The following LAT variants were observed in gnomAD, a reference collection of about 807,000 sequenced individuals.
LAT encodes the protein linker for activation of T cells.
LAT carries 12 observed loss-of-function variants against 39.1 expected under a neutral mutation model. That is an observed-to-expected ratio of 0.31 (90% CI 0.20 to 0.50). LAT has a LOEUF of 0.50. Ranked by LOEUF, LAT falls within the 20% of genes least tolerant of loss-of-function variation. LAT has a pLI of 0.98. For synonymous variants in LAT, 117 were observed against 123.8 expected (o/e 0.95, Z 0.36); for missense variants, 253 against 308.0 (o/e 0.82, Z 1.34).
Position 28,985,905 on chromosome 16 carries a change from TC to T in LAT, c.163+21del. 1 of 1,613,098 alleles carries T rather than the reference TC, an allele frequency of 6.2e-7. No individual in the cohort carries two copies. Among genetic ancestry groups the T allele is most frequent in the Non-Finnish European group, 8.5e-7 (1 of 1,179,368 alleles). ...AACGGCCTCGTGAGTACAAGGAGGGTCCCCTACCTTGGGTGCCAGGGAGAGG... is the reference window on the plus strand; with the variant it reads ...AACGGCCTCGTGAGTACAAGGAGGGTCCCTACCTTGGGTGCCAGGGAGAGG... On this transcript the variant is annotated intron_variant, in intron 3 of 11. Coordinates refer to ENST00000395456, the MANE Select transcript of LAT (RefSeq NM_001014987.2). This position sits in a 1 kb window ranked among gnomAD's most constrained non-coding sequence, Gnocchi z 4.6.
rs746518440 is a variant in LAT at position 28,990,481 on chromosome 16, C to A, written c.*300C>A. 6.1e-5 allele frequency: 19 copies of A among 311,524 alleles called. No homozygotes were observed. Among genetic ancestry groups the A allele is most frequent in the Admixed American group, 9.1e-5 (2 of 21,964 alleles). 19.3% of individuals were successfully genotyped at this position (311,524 alleles called of 1,614,324 possible). ...GCGTGCGTCTGTGTGTGCCTGTGTG[C>A]GAGTCTGAGTCAGAGATTTGGAGAT... is the stretch of plus-strand genomic sequence containing the variant. On this transcript the variant is annotated 3_prime_UTR_variant, in exon 12 of 12. Transcript: ENST00000395456.
chr16:28,986,013 G>A lies in LAT; in HGVS notation c.164-122G>A, dbSNP rs1375700142. Reference sequence around the variant, plus strand: ...TGCCCACATGGCCTTGACCTGAGCTGGGAGAGGGGAGATGGCTCCCCCAGG... The same window carrying A: ...TGCCCACATGGCCTTGACCTGAGCTAGGAGAGGGGAGATGGCTCCCCCAGG... On this transcript the variant is annotated intron_variant, in intron 3 of 11. Coordinates refer to ENST00000395456, the MANE Select transcript of LAT (RefSeq NM_001014987.2). The surrounding 1 kb of genome is among the most constrained non-coding windows in gnomAD (Gnocchi z 5.7). 10 of 1,404,228 alleles carry A rather than the reference G, an allele frequency of 7.1e-6. No homozygotes were observed. The highest frequency in any genetic ancestry group is 5.7e-5 in the African/African-American group (4 of 70,658). The allele number at this position is 1,404,228 out of a possible 1,614,324, so 87.0% of individuals were successfully genotyped here. A position where few individuals can be genotyped will look rare whatever the true frequency, so the allele number is the denominator to read the frequency against.
intron 8 of LAT, chr16:28,987,907 C>T (rs1965794323): frequency 6.7e-6 from 1 of 149,930 alleles, no homozygotes; most frequent in South Asian, 2.1e-4. Flanking sequence ...GCCTGAGCAA[C>T]ATGGCGAAAC....
Position 28,985,237 on chromosome 16 carries a change from G to A in LAT, c.-181G>A, listed in dbSNP as rs1432554240. The A allele has an allele frequency of 1.4e-6, 2 of 1,437,012 alleles. No homozygotes were observed. Among genetic ancestry groups the A allele is most frequent in the Admixed American group, 2.9e-5 (1 of 34,922 alleles). The allele number at this position is 1,437,012 out of a possible 1,614,324, so 89.0% of individuals were successfully genotyped here. A position where few individuals can be genotyped will look rare whatever the true frequency, so the allele number is the denominator to read the frequency against. The stretch of plus-strand genomic sequence containing the variant: ...CGCACACTCAGCCCAGTAAAAGAGG[G>A]GACCCATCCCGGGAGCCCCGGGGAG... On this transcript the variant is annotated 5_prime_UTR_variant, in exon 1 of 12. Coordinates refer to ENST00000395456, the MANE Select transcript of LAT (RefSeq NM_001014987.2). This position sits in a 1 kb window ranked among gnomAD's most constrained non-coding sequence, Gnocchi z 4.6.
Position 28,985,690 on chromosome 16 carries a change from C to G in LAT, c.101-23C>G, listed in dbSNP as rs1242710740. On this transcript the variant is annotated intron_variant, in intron 1 of 11. Transcript: ENST00000395456. This position sits in a 1 kb window ranked among gnomAD's most constrained non-coding sequence, Gnocchi z 4.6. Reference sequence around the variant, plus strand: ...TGCCCTAAGCACCCCCTGTTCCTGCCTCACCAGCCCTCTCTTTCCCAGGCT... The same window carrying G: ...TGCCCTAAGCACCCCCTGTTCCTGCGTCACCAGCCCTCTCTTTCCCAGGCT... The G allele has an allele frequency of 6.2e-7, 1 of 1,613,638 alleles. No homozygotes were observed. The highest frequency in any genetic ancestry group is 1.1e-5 in the South Asian group (1 of 91,056).
upstream of LAT, chr16:28,984,999 G>A (rs557963747): frequency 2.0e-5 from 29 of 1,436,174 alleles, no homozygotes; most frequent in East Asian, 1.3e-4. Flanking sequence ...GGAAGGGGGC[G>A]GGTGCAGCCG....
At position 28,986,676 on chromosome 16, in the gene LAT, G is replaced by A. The variant is rs1131543; in HGVS notation, c.360G>A (p.Ala120=). The A allele has an allele frequency of 0.3, 486,713 of 1,613,396 alleles. 76,058 individuals are homozygous for A. Among genetic ancestry groups the A allele is most frequent in the Middle Eastern group, 0.43 (2,635 of 6,062 alleles). ...CCCCAGAACCAGCCTGTGAGGATGCGGATGAGGATGAGGACGACTATCACA... is the reference window on the plus strand; with the variant it reads ...CCCCAGAACCAGCCTGTGAGGATGCAGATGAGGATGAGGACGACTATCACA... ...YENEEPACED[A]DEDEDDYHNP... Residue 120 remains alanine, a synonymous_variant, in exon 7 of 12, where the codon GCG becomes GCA. Coordinates refer to ENST00000395456, the MANE Select transcript of LAT (RefSeq NM_001014987.2). The surrounding 1 kb of genome is among the most constrained non-coding windows in gnomAD (Gnocchi z 5.7).
Position 28,986,760 on chromosome 16 carries a change from G to A in LAT, c.399-39G>A, listed in dbSNP as rs780191848. 2.1e-5 allele frequency: 34 copies of A among 1,609,350 alleles called. No individual in the cohort carries two copies. The highest frequency in any genetic ancestry group is 1.3e-4 in the East Asian group (6 of 44,806). On this transcript the variant is annotated intron_variant, in intron 7 of 11. Coordinates refer to ENST00000395456, the MANE Select transcript of LAT (RefSeq NM_001014987.2). The surrounding 1 kb of genome is among the most constrained non-coding windows in gnomAD (Gnocchi z 5.7). ...TGGGAGGTGAGGGCTGAGGCTGTGC[G>A]TCCCCCCTTGCTCACCGGCCCTTTT...
In LAT at chr16:28,989,175, C is replaced by G. The variant is rs558867911; in HGVS notation, c.494-352C>G. On this transcript the variant is annotated intron_variant, in intron 8 of 11. Coordinates refer to ENST00000395456, the MANE Select transcript of LAT (RefSeq NM_001014987.2). Reference sequence around the variant, plus strand: ...TAGTGTGTCATGTCCCCTCCACACACGCCACCAAACTCCCACTGCTCCGAG... The same window carrying G: ...TAGTGTGTCATGTCCCCTCCACACAGGCCACCAAACTCCCACTGCTCCGAG... The G allele has an allele frequency of 8.0e-5, 18 of 224,966 alleles. No homozygotes were observed. The East Asian group carries it at 1.4e-3, about 18-fold the overall frequency. 13.9% of individuals were successfully genotyped at this position (224,966 alleles called of 1,614,324 possible).
chr16:28,989,888 G>T (rs755773671), intron 10 of LAT, 45 bp from the exon 11 acceptor site: 11 of 1,613,576 alleles, frequency 6.8e-6, no homozygotes, highest in East Asian at 2.2e-5. Context: ...TTTGGGCTTG[G>T]GGGGATAGCT....
rs987267721 is a variant in LAT at position 28,986,903 on chromosome 16, G to T, written c.493+10G>T. ...GACAGTGCCTTCTCCAGTGAGTCAG[G>T]CATTTGTTTTTATTTTTAAATTTTT... On this transcript the variant is annotated intron_variant, in intron 8 of 11. Transcript: ENST00000395456. This position sits in a 1 kb window ranked among gnomAD's most constrained non-coding sequence, Gnocchi z 5.7. 1.9e-6 allele frequency: 3 copies of T among 1,611,206 alleles called. No individual in the cohort carries two copies. The African/African-American group carries it at 4.0e-5, about 22-fold the overall frequency.
chr16:28,984,913 G>T (rs572112079), upstream of LAT: 663 of 1,546,618 alleles, frequency 4.3e-4, 15 homozygotes, highest in Admixed American at 0.013. Context: ...CTTGGGGGGG[G>T]CCAGCAGACC....
rs1345953905 is a variant in LAT at position 28,986,671 on chromosome 16, G to T, written c.355G>T (p.Asp119Tyr). ...GTTACCCCCAGAACCAGCCTGTGAGGATGCGGATGAGGATGAGGACGACTA... is the reference window on the plus strand; with the variant it reads ...GTTACCCCCAGAACCAGCCTGTGAGTATGCGGATGAGGATGAGGACGACTA... ...SYENEEPACE[D>Y]ADEDEDDYHN... Residue 119 changes from aspartate to tyrosine, a missense_variant, in exon 7 of 12, where the codon GAT becomes TAT. Transcript: ENST00000395456. The surrounding 1 kb of genome is among the most constrained non-coding windows in gnomAD (Gnocchi z 5.7). 1.2e-6 allele frequency: 2 copies of T among 1,613,766 alleles called. No homozygotes were observed. The highest frequency in any genetic ancestry group is 1.7e-6 in the Non-Finnish European group (2 of 1,179,906).
In LAT at chr16:28,986,329, C is replaced by G; in HGVS notation, c.246-53C>G. On this transcript the variant is annotated intron_variant, in intron 4 of 11. Transcript: ENST00000395456. This position sits in a 1 kb window ranked among gnomAD's most constrained non-coding sequence, Gnocchi z 5.7. ...GGGGCCCCTTTCCCTTTTGCAACTG[C>G]TGTTGCCCCCTGAGCCCCACCTCAG... 6.2e-7 allele frequency: 1 copy of G among 1,600,286 alleles called. No homozygotes were observed. Among genetic ancestry groups the G allele is most frequent in the Non-Finnish European group, 8.6e-7 (1 of 1,169,402 alleles).
At position 28,989,579 on chromosome 16, in the gene LAT, A is replaced by G. The variant is rs1238528157; in HGVS notation, c.546A>G (p.Glu182=). 6.2e-7 allele frequency: 1 copy of G among 1,610,990 alleles called. No homozygotes were observed. Among genetic ancestry groups the G allele is most frequent in the South Asian group, 1.1e-5 (1 of 90,600 alleles). Residue 182 remains glutamate (E), a synonymous_variant, in exon 9 of 12, where the codon GAA becomes GAG. Transcript: ENST00000395456. ...TTCCGGAGAGCGGGGAGAGCGCAGA[A>G]GCGTCTCTGGGTGAGTGACCGGTGC... ...VNVPESGESA[E]ASLDGSREYV...
Position 28,985,904 on chromosome 16 carries a change from G to A in LAT, c.163+16G>A, listed in dbSNP as rs1166557905. 1 of 1,613,884 alleles carries A rather than the reference G, an allele frequency of 6.2e-7. No individual in the cohort carries two copies. The highest frequency in any genetic ancestry group is 1.7e-5 in the Admixed American group (1 of 60,020). Reference sequence around the variant, plus strand: ...AAACGGCCTCGTGAGTACAAGGAGGGTCCCCTACCTTGGGTGCCAGGGAGA... The same window carrying A: ...AAACGGCCTCGTGAGTACAAGGAGGATCCCCTACCTTGGGTGCCAGGGAGA... On this transcript the variant is annotated intron_variant, in intron 3 of 11. Coordinates refer to ENST00000395456, the MANE Select transcript of LAT (RefSeq NM_001014987.2). This position sits in a 1 kb window ranked among gnomAD's most constrained non-coding sequence, Gnocchi z 4.6.
Position 28,986,475 on chromosome 16 carries a change from G to A in LAT, c.310+29G>A. ...AGTGTGGGGAAGGGTTCAGGCGGCGGGGGCTGGGAAGAAGATAGGCCTGGC... is the reference window on the plus strand; with the variant it reads ...AGTGTGGGGAAGGGTTCAGGCGGCGAGGGCTGGGAAGAAGATAGGCCTGGC... On this transcript the variant is annotated intron_variant, in intron 5 of 11. Transcript: ENST00000395456. This position sits in a 1 kb window ranked among gnomAD's most constrained non-coding sequence, Gnocchi z 5.7. The A allele has an allele frequency of 6.2e-7, 1 of 1,613,666 alleles. No homozygotes were observed. Among genetic ancestry groups the A allele is most frequent in the African/African-American group, 1.3e-5 (1 of 75,024 alleles).
chr16:28,986,032 C>T lies in LAT; in HGVS notation c.164-103C>T. ...TGAGCTGGGAGAGGGGAGATGGCTC[C>T]CCCAGGCCTGTCCAGGGTGTGGGGC... On this transcript the variant is annotated intron_variant, in intron 3 of 11. Transcript: ENST00000395456. The surrounding 1 kb of genome is among the most constrained non-coding windows in gnomAD (Gnocchi z 5.7). The T allele has an allele frequency of 1.4e-5, 20 of 1,387,760 alleles. No homozygotes were observed. Among genetic ancestry groups the T allele is most frequent in the Non-Finnish European group, 1.9e-5 (19 of 979,184 alleles). 86.0% of individuals were successfully genotyped at this position (1,387,760 alleles called of 1,614,324 possible). A position where few individuals can be genotyped will look rare whatever the true frequency, so the allele number is the denominator to read the frequency against.
Position 28,985,252 on chromosome 16 carries a change from G to A in LAT, c.-166G>A. ...GTAAAAGAGGGGACCCATCCCGGGA[G>A]CCCCGGGGAGGGCACAGCTGCCTCC... On this transcript the variant is annotated 5_prime_UTR_variant, in exon 1 of 12. Transcript: ENST00000395456. This position sits in a 1 kb window ranked among gnomAD's most constrained non-coding sequence, Gnocchi z 4.6. 6.9e-7 allele frequency: 1 copy of A among 1,441,744 alleles called. No homozygotes were observed. Among genetic ancestry groups the A allele is most frequent in the Non-Finnish European group, 9.1e-7 (1 of 1,101,238 alleles). 89.3% of individuals were successfully genotyped at this position (1,441,744 alleles called of 1,614,324 possible).
Sources: gnomAD v4.1 joint callset for allele counts on GRCh38, gnomAD v4.1.1 for gene constraint, Gnocchi (gnomAD v3.1) non-coding constraint, MANE v1.5 for transcripts, NCBI Gene and HGNC (gene_info 2026-07-23, HGNC 2026-07-21) for gene names.